The following SLFN12L variants were observed in gnomAD, a reference collection of about 807,000 sequenced individuals.
The protein encoded by SLFN12L is schlafen family member 12-like.
In SLFN12L, 34 loss-of-function variants were observed where a neutral mutation model predicts 34.8. That is an observed-to-expected ratio of 0.98 (90% CI 0.74 to 1.30). The LOEUF (loss-of-function observed/expected upper bound fraction) is 1.30, where lower values mean the gene tolerates loss of function less well. Ranked by LOEUF, SLFN12L falls within the 50% of genes most tolerant of loss-of-function variation. The probability of loss-of-function intolerance (pLI) is 0.00; values close to 1 mark genes in which losing one functional copy is unlikely to be tolerated. For synonymous variants in SLFN12L, 259 were observed against 247.5 expected (o/e 1.05, Z -0.44); for missense variants, 703 against 696.2 (o/e 1.01, Z -0.11).
chr17:35,487,765 G>C (rs750126307), intron 2 of SLFN12L: 2 of 1,535,896 alleles, frequency 1.3e-6, no homozygotes, highest in African/African-American at 2.7e-5. Flanking sequence ...ACCAAGTAGG[G>C]GGACCTGAGT....
chr17:35,531,679 C>T (rs572940741), intron 1 of SLFN12L, among the ~76,000 whole-genome samples: 10 of 152,192 alleles, frequency 6.6e-5, no homozygotes, highest in South Asian at 4.1e-4. Flanking sequence ...TGCAGTGGCG[C>T]GATCTCGGTT....
At chr17:35,486,199 C>T (rs1914574530) in intron 2 of SLFN12L, among the ~76,000 whole-genome samples, 1 of 152,152 alleles carries the variant, frequency 6.6e-6, no homozygotes, top group Admixed American at 6.5e-5. Flanking sequence ...TCATAGTTCT[C>T]CTCGTAAAGT....
intron 2 of SLFN12L, among the ~76,000 whole-genome samples, chr17:35,485,388 T>G (rs1046631309): frequency 1.3e-5 from 2 of 152,202 alleles, no homozygotes; most frequent in Non-Finnish European, 2.9e-5. Flanking sequence ...GTTTTTTTCT[T>G]GATTCATTTA....
intron 2 of SLFN12L, among the ~76,000 whole-genome samples, chr17:35,512,511 G>A (rs538983676): frequency 6.6e-6 from 1 of 151,784 alleles, no homozygotes; most frequent in Non-Finnish European, 1.5e-5. Flanking sequence ...GACCACAGGC[G>A]CCCGCCACCA....
intron 2 of SLFN12L, chr17:35,498,213 G>A (rs1915164514): frequency 1.3e-6 from 1 of 757,214 alleles, no homozygotes; most frequent in Admixed American, 1.8e-5. Context: ...GGGATGTTCA[G>A]TCATGAAATG....
rs912396559 is a variant in SLFN12L, at chr17:35,467,255, T to C, written c.*7668A>G. 6.6e-6 allele frequency among the ~76,000 whole-genome samples: 1 copy of C among 152,218 alleles called. No homozygotes were observed. Among genetic ancestry groups the C allele is most frequent in the Admixed American group, 6.5e-5 (1 of 15,282 alleles). On this transcript the variant is annotated 3_prime_UTR_variant, in exon 5 of 5. Coordinates refer to ENST00000628453, the MANE Select transcript of SLFN12L (RefSeq NM_001363830.2). ...CCATACATGATGGAGCTAGGTGGAA[T>C]ATTACCGAATGCTGGATGCCCTGGC...
chr17:35,527,881 G>C (rs952845010), intron 1 of SLFN12L, among the ~76,000 whole-genome samples: 5 of 152,062 alleles, frequency 3.3e-5, no homozygotes, highest in African/African-American at 1.2e-4. Flanking sequence ...AGAAATAAAG[G>C]GTATTCAAGT....
rs1211079737 is a variant in SLFN12L at position 35,530,511 on chromosome 17, AG to A, written c.-606+7061del. Among the ~76,000 whole-genome samples, 4 of 38,534 alleles carry A rather than the reference AG, an allele frequency of 1.0e-4. 1 individual carries two copies. Among genetic ancestry groups the A allele is most frequent in the East Asian group, 9.8e-4 (2 of 2,038 alleles). 25.3% of individuals were successfully genotyped at this position (38,534 alleles called of 152,430 possible). A position where few individuals can be genotyped will look rare whatever the true frequency, so the allele number is the denominator to read the frequency against. On this transcript the variant is annotated intron_variant, in intron 1 of 4. Transcript: ENST00000628453. ...AAGAAAGAAAGAAAGAAAGAAAGAA[AG>A]AAAAGAAAAGAAAAGAAAAGAAAAG... is the stretch of plus-strand genomic sequence containing the variant.
chr17:35,466,876 A>G lies in SLFN12L; in HGVS notation c.*8047T>C, dbSNP rs1191339838. Among the ~76,000 whole-genome samples, 5 of 152,182 alleles carry G rather than the reference A, an allele frequency of 3.3e-5. No individual in the cohort carries two copies. The highest frequency in any genetic ancestry group is 1.5e-5 in the Non-Finnish European group (1 of 68,032). On this transcript the variant is annotated 3_prime_UTR_variant, in exon 5 of 5. Coordinates refer to ENST00000628453, the MANE Select transcript of SLFN12L (RefSeq NM_001363830.2). Reference sequence around the variant, plus strand: ...ATTAAAACCACAAATGACTAGCTCCATACTGGGCTCTCCTGGACATAGAGG... The same window carrying G: ...ATTAAAACCACAAATGACTAGCTCCGTACTGGGCTCTCCTGGACATAGAGG...
chr17:35,475,365 A>T lies in SLFN12L; in HGVS notation c.1397T>A (p.Ile466Asn). 1 of 1,614,210 alleles carries T rather than the reference A, an allele frequency of 6.2e-7. No individual in the cohort carries two copies. Among genetic ancestry groups the T allele is most frequent in the South Asian group, 1.1e-5 (1 of 91,086 alleles). ...ATCCAAAGACCAGCTCCTAGAGAAG[A>T]TCAGTGAGCCCTTATTGACAGAGCC... Reference protein sequence around the residue: ...EMGSVNKGSLIFSRSWSLDLG... With the variant: ...EMGSVNKGSLNFSRSWSLDLG... The change falls in exon 5 of 5, where the codon ATC (isoleucine) becomes AAC (asparagine). Residue 466 changes from isoleucine to asparagine, a missense_variant. Transcript: ENST00000628453.
At position 35,483,978 on chromosome 17, in the gene SLFN12L, C is replaced by G. The variant is rs1597837724; in HGVS notation, c.87-3783G>C. On this transcript the variant is annotated intron_variant, in intron 2 of 4. Coordinates refer to ENST00000628453, the MANE Select transcript of SLFN12L (RefSeq NM_001363830.2). ...GGGTTACATCAAGAGAATTCATATG[C>G]AAATCATGGTGGTGACATACAGAGG... 1.3e-5 allele frequency among the ~76,000 whole-genome samples: 2 copies of G among 152,190 alleles called. 1 individual carries two copies. The highest frequency in any genetic ancestry group is 4.1e-4 in the South Asian group (2 of 4,820).
chr17:35,479,550 T>C lies in SLFN12L; in HGVS notation c.732A>G (p.Thr244=), dbSNP rs184590263. The C allele has an allele frequency of 6.8e-4, 1,090 of 1,614,180 alleles. 12 individuals carry two copies. In the African/African-American group the frequency reaches 0.013, roughly 20 times the overall value. The change falls in exon 3 of 5, where the codon ACA becomes ACG. Residue 244 remains threonine, a synonymous_variant. Coordinates refer to ENST00000628453, the MANE Select transcript of SLFN12L (RefSeq NM_001363830.2). ...TCGAGAAGTTTTTTATTTCAACGTGTGTGGATTCAGTAAAGGTCAATTTTT... is the reference window on the plus strand; with the variant it reads ...TCGAGAAGTTTTTTATTTCAACGTGCGTGGATTCAGTAAAGGTCAATTTTT... The part of the protein sequence containing the change: ...YKEKLTFTES[T]HVEIKNFSTE...
chr17:35,502,205 T>A (rs1915318172), intron 2 of SLFN12L, among the ~76,000 whole-genome samples: 1 of 151,940 alleles, frequency 6.6e-6, no homozygotes. Flanking sequence ...CCTATAACAC[T>A]CCAATACCAC....
chr17:35,520,730 A>G (rs1426023274), intron 2 of SLFN12L, among the ~76,000 whole-genome samples: 1 of 152,068 alleles, frequency 6.6e-6, no homozygotes, highest in Admixed American at 6.6e-5. Context: ...TGGGCGACAG[A>G]GCAAAACTCG....
rs1567693801 is a variant in SLFN12L, at chr17:35,530,426, GAA to G, written c.-606+7145_-606+7146del. Among the ~76,000 whole-genome samples, 54 of 10,642 alleles carry G rather than the reference GAA, an allele frequency of 5.1e-3. 8 individuals carry two copies. The highest frequency in any genetic ancestry group is 0.02 in the African/African-American group (54 of 2,688). The allele number at this position is 10,642 out of a possible 152,430, so 7.0% of individuals were successfully genotyped here. On this transcript the variant is annotated intron_variant, in intron 1 of 4. Coordinates refer to ENST00000628453, the MANE Select transcript of SLFN12L (RefSeq NM_001363830.2). ...GGAAGGAAGGAAGGAAGGAAGGAAG[GAA>G]GGGAAGGGAAGGGAAGAAAGAAAGA...
In SLFN12L at chr17:35,474,808, T is replaced by C. The variant is rs988093343; in HGVS notation, c.*115A>G. The C allele has an allele frequency of 2.8e-6, 3 of 1,053,956 alleles. No homozygotes were observed. The highest frequency in any genetic ancestry group is 3.9e-6 in the Non-Finnish European group (3 of 760,840). The allele number at this position is 1,053,956 out of a possible 1,614,324, so 65.3% of individuals were successfully genotyped here. A position where few individuals can be genotyped will look rare whatever the true frequency, so the allele number is the denominator to read the frequency against. ...TTAGCCAGGTGTGGTGGCAGGCACA[T>C]GTAATCCCAGCTACTCGGGAGGCTG... On this transcript the variant is annotated 3_prime_UTR_variant, in exon 5 of 5. Coordinates refer to ENST00000628453, the MANE Select transcript of SLFN12L (RefSeq NM_001363830.2).
chr17:35,474,690 G>A lies in SLFN12L; in HGVS notation c.*233C>T, dbSNP rs866739807. ...TACTCCTAGCACTTTGGGAGACCGG[G>A]GGGGGGGGTTGAATCACGAGGTCAG... On this transcript the variant is annotated 3_prime_UTR_variant, in exon 5 of 5. Coordinates refer to ENST00000628453, the MANE Select transcript of SLFN12L (RefSeq NM_001363830.2). The A allele has an allele frequency of 8.5e-6, 3 of 353,518 alleles. No homozygotes were observed. Among genetic ancestry groups the A allele is most frequent in the South Asian group, 2.9e-5 (1 of 34,364 alleles). The allele number at this position is 353,518 out of a possible 1,614,324, so 21.9% of individuals were successfully genotyped here. A position where few individuals can be genotyped will look rare whatever the true frequency, so the allele number is the denominator to read the frequency against.
chr17:35,475,281 T>C lies in SLFN12L; in HGVS notation c.1481A>G (p.Lys494Arg), dbSNP rs968129874. The change falls in exon 5 of 5, where the codon AAG becomes AGG. Residue 494 changes from lysine to arginine, a missense_variant. Physicochemically the swap from Lys to Arg is conservative, Grantham distance 26 (BLOSUM62 2). Transcript: ENST00000628453. ...GTGGAAGGTGTATAGGACTGGAGGC[T>C]TGTCCTGGGAAATCAGAAGAGCATC... is the stretch of plus-strand genomic sequence containing the variant. Reference protein sequence around the residue: ...LCDALLISQDKPPVLYTFHMV... With the variant: ...LCDALLISQDRPPVLYTFHMV... 6.2e-7 allele frequency: 1 copy of C among 1,614,188 alleles called. No homozygotes were observed. The highest frequency in any genetic ancestry group is 8.5e-7 in the Non-Finnish European group (1 of 1,180,038).
At chr17:35,491,021 G>C in intron 2 of SLFN12L, 2 of 789,208 alleles carry the variant, frequency 2.5e-6, no homozygotes. Context: ...GGCCTCCCCA[G>C]CCAACCTCTT....
Sources: gnomAD v4.1 joint callset for allele counts (sites outside exome capture counted in the v4.1 genomes callset) on GRCh38, gnomAD v4.1.1 for gene constraint, MANE v1.5 for transcripts, NCBI Gene and HGNC (gene_info 2026-07-23, HGNC 2026-07-21) for gene names.